MRPL37: variants seen among roughly 807,000 people sequenced by gnomAD.
MRPL37 encodes mitochondrial ribosomal protein L37, also known as large ribosomal subunit protein mL37.
Under a neutral mutation model 44.1 loss-of-function variants are expected in MRPL37, and 34 were observed. The observed-to-expected ratio is 0.77, with a 90% confidence interval of 0.59 to 1.03. MRPL37 has a LOEUF of 1.03. Ranked by LOEUF, MRPL37 falls within the 50% of genes least tolerant of loss-of-function variation. MRPL37 has a pLI of 0.00. For synonymous variants in MRPL37, 212 were observed against 219.5 expected (o/e 0.97, Z 0.30); for missense variants, 532 against 543.7 (o/e 0.98, Z 0.21).
chr1:54,208,531 A>G (rs547655760), intron 3 of MRPL37, among the ~76,000 whole-genome samples: 169 of 137,362 alleles, frequency 1.2e-3, no homozygotes, highest in Non-Finnish European at 2.0e-3. Flanking sequence ...CCTGGGCGAC[A>G]GAGCAAGACT....
intron 3 of MRPL37, 35 bp downstream of exon 3, chr1:54,205,445 G>A: frequency 2.6e-6 from 4 of 1,563,514 alleles, no homozygotes; most frequent in Non-Finnish European, 3.5e-6. Context: ...GCCTTGGTCT[G>A]TTTTTTTTGC....
rs144856802 is a variant in MRPL37, at chr1:54,200,402, T to C, written c.159T>C (p.Pro53=). The part of the protein sequence containing the change: ...PPPLDRVYEI[P]GLEPITFAGK... The stretch of plus-strand genomic sequence containing the variant: ...CCCTGGATAGGGTGTACGAGATCCC[T>C]GGACTGGAGCCCATCACCTTTGCGG... Residue 53 remains proline, a synonymous_variant, in exon 1 of 7, where the codon CCT becomes CCC. Coordinates refer to ENST00000360840, the MANE Select transcript of MRPL37 (RefSeq NM_016491.4). 22 of 1,614,084 alleles carry C rather than the reference T, an allele frequency of 1.4e-5. No homozygotes were observed. The African/African-American group carries it at 2.1e-4, about 16-fold the overall frequency.
At chr1:54,210,570 G>C (rs942627545) in intron 4 of MRPL37, among the ~76,000 whole-genome samples, 2 of 152,118 alleles carry the variant, frequency 1.3e-5, no homozygotes, top group African/African-American at 2.4e-5. Flanking sequence ...CATAGACATT[G>C]AATGGGGCCA....
At position 54,200,208 on chromosome 1, in the gene MRPL37, G is replaced by T. The variant is rs1363802148; in HGVS notation, c.-36G>T. On this transcript the variant is annotated 5_prime_UTR_variant, in exon 1 of 7. Coordinates refer to ENST00000360840, the MANE Select transcript of MRPL37 (RefSeq NM_016491.4). ...AGGCCCTGCGCGCGGCAACATGGCG[G>T]GGTCCAGGTGGAGGTCTTGAGGCTA... 1 of 1,506,948 alleles carries T rather than the reference G, an allele frequency of 6.6e-7. No individual in the cohort carries two copies. 93.3% of individuals were successfully genotyped at this position (1,506,948 alleles called of 1,614,324 possible). A position where few individuals can be genotyped will look rare whatever the true frequency, so the allele number is the denominator to read the frequency against.
At chr1:54,213,194 G>T (rs1644176376) in intron 5 of MRPL37, among the ~76,000 whole-genome samples, 1 of 152,250 alleles carries the variant, frequency 6.6e-6, no homozygotes, top group African/African-American at 2.4e-5. Flanking sequence ...CAGGGACCTA[G>T]ATGGTATAGA....
chr1:54,202,715 G>C (rs1053434662), intron 1 of MRPL37, among the ~76,000 whole-genome samples: 1 of 152,072 alleles, frequency 6.6e-6, no homozygotes, highest in Admixed American at 6.6e-5. Flanking sequence ...CATTGGCCAG[G>C]CTGGTCTCAA....
chr1:54,221,047 G>A (rs977118218), downstream of MRPL37: 15 of 352,966 alleles, frequency 4.2e-5, no homozygotes, highest in African/African-American at 3.0e-4. Flanking sequence ...CCACTTCCTC[G>A]CTGGCAAAAT....
chr1:54,205,694 G>A (rs1303378723), intron 3 of MRPL37, among the ~76,000 whole-genome samples: 4 of 152,162 alleles, frequency 2.6e-5, no homozygotes, highest in African/African-American at 9.7e-5. Flanking sequence ...TGAAGGTAAG[G>A]AAATTTATAA....
chr1:54,207,777 C>T (rs1224139751), intron 3 of MRPL37, among the ~76,000 whole-genome samples: 1 of 152,156 alleles, frequency 6.6e-6, no homozygotes, highest in African/African-American at 2.4e-5. Flanking sequence ...TGTGACAGAT[C>T]AGAGTTTATC....
chr1:54,213,163 C>G (rs1418345168), intron 5 of MRPL37, among the ~76,000 whole-genome samples: 5 of 152,190 alleles, frequency 3.3e-5, no homozygotes, highest in Non-Finnish European at 7.3e-5. Flanking sequence ...GGTGTTATCC[C>G]CTGATCCTAA....
At chr1:54,220,437 TAC>T (rs1385684945), downstream of MRPL37, among the ~76,000 whole-genome samples, 1 of 152,292 alleles carries the variant, frequency 6.6e-6, no homozygotes, top group East Asian at 1.9e-4. Flanking sequence ...GGAACCCAAC[TAC>T]ACTTTTGTGT....
At chr1:54,214,476 A>G (rs1644184748) in intron 5 of MRPL37, among the ~76,000 whole-genome samples, 1 of 152,184 alleles carries the variant, frequency 6.6e-6, no homozygotes, top group East Asian at 1.9e-4. Context: ...AGATTAGGTA[A>G]CTTGTCCAAG....
intron 1 of MRPL37, among the ~76,000 whole-genome samples, chr1:54,204,466 G>T (rs1447367587): frequency 6.6e-6 from 1 of 152,030 alleles, no homozygotes; most frequent in African/African-American, 2.4e-5. Flanking sequence ...GGCCAGAGAG[G>T]TTCAGCTCCT....
chr1:54,219,826 C>T (rs1570156060), downstream of MRPL37, among the ~76,000 whole-genome samples: 1 of 152,230 alleles, frequency 6.6e-6, no homozygotes, highest in South Asian at 2.1e-4. Context: ...ACAGCCTGTT[C>T]TGCACTTCCT....
intron 1 of MRPL37, among the ~76,000 whole-genome samples, chr1:54,203,689 T>A (rs1471493524): frequency 6.6e-6 from 1 of 151,934 alleles, no homozygotes; most frequent in Non-Finnish European, 1.5e-5. Flanking sequence ...TTGGCCAGGC[T>A]GGTCTCAAAC....
At chr1:54,218,761 G>GGTCTCT (rs1303716042), downstream of MRPL37, among the ~76,000 whole-genome samples, 2 of 152,168 alleles carry the variant, frequency 1.3e-5, no homozygotes, top group African/African-American at 4.8e-5. Flanking sequence ...TGGTTCAGCT[G>GGTCTCT]GTCTCTGTCC....
intron 5 of MRPL37, among the ~76,000 whole-genome samples, 168 bp from the exon 6 acceptor site, chr1:54,215,973 C>A (rs1435482986): frequency 6.6e-6 from 1 of 152,192 alleles, no homozygotes; most frequent in African/African-American, 2.4e-5. Context: ...AGGCCCGGCC[C>A]TGGACAGTGC....
At chr1:54,212,465 C>T in intron 4 of MRPL37, 36 bp from the exon 5 acceptor site, 1 of 1,606,440 alleles carries the variant, frequency 6.2e-7, no homozygotes, top group Non-Finnish European at 8.5e-7. Context: ...GCTGATGAAT[C>T]CTTTCCACCC....
chr1:54,204,939 A>G (rs1644109744), intron 1 of MRPL37, 79 bp from the exon 2 acceptor site: 9 of 1,500,702 alleles, frequency 6.0e-6, no homozygotes, highest in Admixed American at 4.1e-5. Flanking sequence ...TTTTACTAAG[A>G]TGCTACCTGG....
Sources: allele counts gnomAD v4.1 joint callset (sites outside exome capture counted in the v4.1 genomes callset), GRCh38; gene constraint gnomAD v4.1.1; transcripts MANE v1.5; gene names NCBI Gene and HGNC (gene_info 2026-07-23, HGNC 2026-07-21).